Variants in TBL1X observed in about 807,000 individuals in gnomAD.
TBL1X encodes the protein transducin beta like 1 X-linked.
In TBL1X, 10 loss-of-function variants were observed where a neutral mutation model predicts 50.7. The observed-to-expected ratio is 0.20, with a 90% CI of 0.12 to 0.33. TBL1X has a LOEUF of 0.33. TBL1X is among the 10% of genes least tolerant of loss of function. The pLI is 1.00. For missense variants in TBL1X, 340 were observed against 504.4 expected, an observed-to-expected ratio of 0.67 and a Z score of 3.12; for synonymous variants, 190 against 214.7, an observed-to-expected ratio of 0.88 and a Z score of 1.01.
At chrX:9,672,011 C>T (rs2082963018) in intron 5 of TBL1X, among the ~76,000 whole-genome samples, 1 of 112,243 alleles carries the variant, frequency 8.9e-6, no homozygotes, top group South Asian at 3.7e-4. Context: ...TTCTTATGCT[C>T]ATTAATTTGT....
intron 12 of TBL1X, among the ~76,000 whole-genome samples, chrX:9,703,644 G>T (rs1448932604): frequency 8.9e-6 from 1 of 111,786 alleles, no homozygotes; most frequent in African/African-American, 3.3e-5. Context: ...AGAAGAGGAT[G>T]AGAGTGCACG....
At chrX:9,536,312 G>A (rs748657729) in intron 2 of TBL1X, among the ~76,000 whole-genome samples, 2 of 107,609 alleles carry the variant, frequency 1.9e-5, no homozygotes, top group Non-Finnish European at 3.8e-5. Flanking sequence ...ATGCAGTGGC[G>A]TGATCTCGGC....
chrX:9,598,257 A>G (rs948231674), intron 2 of TBL1X, among the ~76,000 whole-genome samples: 1 of 111,665 alleles, frequency 9.0e-6, no homozygotes, highest in African/African-American at 3.3e-5. Context: ...GTACTTTGTT[A>G]TGTTGGGCCT....
At chrX:9,693,103 G>A (rs764851731) in intron 9 of TBL1X, 46 bp from the exon 10 acceptor site, 10 of 1,199,319 alleles carry the variant, frequency 8.3e-6, no homozygotes, top group South Asian at 5.3e-5. Context: ...CGGTGCTGCC[G>A]CTCCTAAGTT....
At chrX:9,572,387 G>C (rs1026569981) in intron 2 of TBL1X, among the ~76,000 whole-genome samples, 1 of 112,738 alleles carries the variant, frequency 8.9e-6, no homozygotes, top group Non-Finnish European at 1.9e-5. Flanking sequence ...CCCTGAATTT[G>C]CTTTTCTTTT....
intron 3 of TBL1X, among the ~76,000 whole-genome samples, chrX:9,651,808 A>G (rs1033116254): frequency 1.1e-4 from 12 of 112,546 alleles, no homozygotes; most frequent in African/African-American, 3.9e-4. Flanking sequence ...AGCAAAGAAG[A>G]TAAGAATTTT....
At chrX:9,501,300 CTA>C (rs758493623) in intron 1 of TBL1X, among the ~76,000 whole-genome samples, 79 of 112,091 alleles carry the variant, frequency 7.0e-4, no homozygotes, top group African/African-American at 2.5e-3. Context: ...GCAAAGTTCT[CTA>C]TTCCCATGTC....
intron 2 of TBL1X, among the ~76,000 whole-genome samples, chrX:9,621,446 G>A (rs1438248263): frequency 8.9e-6 from 1 of 111,884 alleles, no homozygotes; most frequent in African/African-American, 3.3e-5. Context: ...TAATATCACT[G>A]TCTTATTCTC....
At chrX:9,715,243 G>A (rs997920242) in intron 17 of TBL1X, among the ~76,000 whole-genome samples, 1 of 112,192 alleles carries the variant, frequency 8.9e-6, no homozygotes, top group Non-Finnish European at 1.9e-5. Flanking sequence ...CTCAACCAGG[G>A]TGATTCTGCA....
At chrX:9,628,683 G>A (rs748524707) in intron 2 of TBL1X, among the ~76,000 whole-genome samples, 1 of 110,452 alleles carries the variant, frequency 9.1e-6, no homozygotes, top group Non-Finnish European at 1.9e-5. Flanking sequence ...AAGTAGCTGG[G>A]ATTACAGGTG....
At position 9,542,932 on chromosome X, in the gene TBL1X, G is replaced by A. The variant is rs377480426; in HGVS notation, c.-131+41083G>A. ...AAGAATTGGCCTCGCAGTGGGGAGT[G>A]AGTGCCAGCCCGTGGCCTGTCCCCT... On this transcript the variant is annotated intron_variant, in intron 2 of 17. Coordinates refer to ENST00000645353, the MANE Select transcript of TBL1X (RefSeq NM_005647.4). Among the ~76,000 whole-genome samples, 29 of 112,053 alleles carry A rather than the reference G, an allele frequency of 2.6e-4. No homozygotes were observed. In the South Asian group the frequency reaches 9.3e-3, roughly 36 times the overall value.
At chrX:9,598,036 C>A (rs2082535223) in intron 2 of TBL1X, among the ~76,000 whole-genome samples, 1 of 111,863 alleles carries the variant, frequency 8.9e-6, no homozygotes, top group Admixed American at 9.5e-5. Flanking sequence ...CCGAGTGTGA[C>A]TGGCTTCCTT....
chrX:9,555,161 A>G (rs1019592505), intron 2 of TBL1X, among the ~76,000 whole-genome samples: 1 of 111,160 alleles, frequency 9.0e-6, no homozygotes, highest in East Asian at 2.8e-4. Context: ...GTGCAGCCTC[A>G]AACGTCTGGG....
intron 1 of TBL1X, among the ~76,000 whole-genome samples, chrX:9,476,774 A>ATCT (rs1216398129): frequency 7.8e-4 from 1 of 1,289 alleles, no homozygotes; most frequent in Non-Finnish European, 9.7e-4. Flanking sequence ...TGAAGACAGT[A>ATCT]ACTTATTAGG....
At chrX:9,692,291 G>C (rs761217443) in intron 9 of TBL1X, 37 bp downstream of exon 9, 56 of 1,143,017 alleles carry the variant, frequency 4.9e-5, no homozygotes, top group Non-Finnish European at 6.5e-5. Context: ...TTTGAAATTG[G>C]TAAAATCGGC....
At chrX:9,463,827 G>C (rs2081751382), upstream of TBL1X, among the ~76,000 whole-genome samples, 1 of 112,410 alleles carries the variant, frequency 8.9e-6, no homozygotes, top group South Asian at 3.6e-4. Flanking sequence ...CAGGGTGGTG[G>C]AGGTTGCAAT....
At chrX:9,491,351 T>TTCTTTGAGACAGAG in intron 1 of TBL1X, among the ~76,000 whole-genome samples, 1 of 89,824 alleles carries the variant, frequency 1.1e-5, no homozygotes, top group Non-Finnish European at 2.1e-5. Context: ...TTTTTTTTTT[T>TTCTTTGAGACAGAG]TTTCTTTGAG....
intron 5 of TBL1X, among the ~76,000 whole-genome samples, chrX:9,663,802 T>A (rs2082912235): frequency 9.3e-6 from 1 of 107,929 alleles, no homozygotes; most frequent in African/African-American, 3.4e-5. Flanking sequence ...GCAGACTATA[T>A]GATTCCATTT....
intron 2 of TBL1X, among the ~76,000 whole-genome samples, chrX:9,565,293 A>AAAAAAAAC (rs2082345469): frequency 9.4e-6 from 1 of 106,855 alleles, no homozygotes; most frequent in Non-Finnish European, 1.9e-5. Context: ...AAAAAAAAAA[A>AAAAAAAAC]TCATAATCAT....
Sources: gnomAD v4.1 joint callset for allele counts (sites outside exome capture counted in the v4.1 genomes callset) on GRCh38, gnomAD v4.1.1 for gene constraint, MANE v1.5 for transcripts, NCBI Gene and HGNC (gene_info 2026-07-23, HGNC 2026-07-21) for gene names.